Variants in MPP4 observed in about 807,000 individuals in gnomAD.
The protein encoded by MPP4 is MAGUK p55 scaffold protein 4.
In MPP4, 91 loss-of-function variants were observed where a neutral mutation model predicts 98.3. The observed-to-expected ratio is 0.93, with a 90% confidence interval of 0.78 to 1.10. The LOEUF is 1.10. Among genes scored for constraint, MPP4 ranks in the 50% least tolerant of loss-of-function variants. The pLI is 0.00. For missense variants in MPP4, 744 were observed against 792.9 expected, an observed-to-expected ratio of 0.94 and a Z score of 0.74; for synonymous variants, 261 against 271.8, an observed-to-expected ratio of 0.96 and a Z score of 0.39.
At chr2:201,666,614 C>T (rs975367942) in intron 12 of MPP4, 5 of 289,822 alleles carry the variant, frequency 1.7e-5, no homozygotes, top group Non-Finnish European at 2.6e-5. Context: ...ATCCCAGCTA[C>T]GTGGGAGGCT....
intron 18 of MPP4, chr2:201,651,784 T>A (rs1687719661): frequency 2.6e-5 from 11 of 420,224 alleles, no homozygotes; most frequent in Non-Finnish European, 3.5e-5. Context: ...TGAAACCCCA[T>A]CTCTACTAAA....
At chr2:201,694,530 T>C (rs991756360) in intron 1 of MPP4, among the ~76,000 whole-genome samples, 3 of 151,876 alleles carry the variant, frequency 2.0e-5, no homozygotes, top group Admixed American at 6.6e-5. Context: ...TAACGATCTG[T>C]TGTTTTGTTT....
Position 201,686,004 on chromosome 2 carries a change from G to T in MPP4, c.407C>A (p.Pro136His), listed in dbSNP as rs773571971. 2.5e-6 allele frequency: 4 copies of T among 1,612,794 alleles called. No individual in the cohort carries two copies. Among genetic ancestry groups the T allele is most frequent in the Non-Finnish European group, 2.5e-6 (3 of 1,178,938 alleles). Residue 136 changes from proline (P) to histidine (H), a missense_variant, in exon 6 of 22, where the codon CCC becomes CAC. Coordinates refer to ENST00000409474, the MANE Select transcript of MPP4 (RefSeq NM_033066.3). ...HDTIAQKDFE[P>H]LLPPLPDNIP... ...ATTGTCTGGCAGTGGAGGGAGAAGG[G>T]GTTCAAAATCTTTCTGAGCTATCGT...
At chr2:201,664,181 C>A in intron 13 of MPP4, 80 bp from the exon 14 acceptor site, 1 of 1,504,542 alleles carries the variant, frequency 6.6e-7, no homozygotes, top group South Asian at 1.2e-5. Context: ...AAGTCTAATT[C>A]TCTGGCCCCT....
chr2:201,649,746 C>G, intron 19 of MPP4, 62 bp from the exon 20 acceptor site: 1 of 1,138,256 alleles, frequency 8.8e-7, no homozygotes, highest in South Asian at 1.3e-5. Flanking sequence ...TTAGTAGTAA[C>G]ATGAGGATAA....
chr2:201,692,875 C>CA, intron 3 of MPP4, 33 bp downstream of exon 3: 1 of 1,598,322 alleles, frequency 6.3e-7, no homozygotes, highest in Non-Finnish European at 8.5e-7. Flanking sequence ...ACCCCTTCAG[C>CA]AAGCAAAGGC....
chr2:201,674,513 A>G (rs1688445568), intron 11 of MPP4, among the ~76,000 whole-genome samples: 1 of 105,156 alleles, frequency 9.5e-6, no homozygotes, highest in African/African-American at 3.7e-5. Flanking sequence ...GTAGACACAT[A>G]CTGAAATTGC....
In MPP4 at chr2:201,644,992, C is replaced by G; in HGVS notation, c.*218G>C. The stretch of plus-strand genomic sequence containing the variant: ...GACTTAACATTATTCATATTTCTAC[C>G]ACAGCTGCATATGAGGTAAAGGAAA... On this transcript the variant is annotated 3_prime_UTR_variant, in exon 22 of 22. Transcript: ENST00000409474. 2.8e-6 allele frequency: 1 copy of G among 362,736 alleles called. No individual in the cohort carries two copies. Among genetic ancestry groups the G allele is most frequent in the Non-Finnish European group, 4.8e-6 (1 of 206,790 alleles). 22.5% of individuals were successfully genotyped at this position (362,736 alleles called of 1,614,324 possible). A position where few individuals can be genotyped will look rare whatever the true frequency, so the allele number is the denominator to read the frequency against.
intron 21 of MPP4, among the ~76,000 whole-genome samples, chr2:201,645,738 C>T (rs1687543789): frequency 6.6e-6 from 1 of 152,022 alleles, no homozygotes; most frequent in African/African-American, 2.4e-5. Context: ...GCAGCCTCTG[C>T]CTCCCAGGCT....
intron 14 of MPP4, among the ~76,000 whole-genome samples, chr2:201,663,309 T>G (rs754267008): frequency 3.9e-5 from 6 of 152,194 alleles, no homozygotes; most frequent in Non-Finnish European, 5.9e-5. Flanking sequence ...CCGCAATCAA[T>G]GTGACAATAA....
chr2:201,645,896 G>T (rs1017653788), intron 21 of MPP4, among the ~76,000 whole-genome samples: 1 of 152,050 alleles, frequency 6.6e-6, no homozygotes, highest in Non-Finnish European at 1.5e-5. Context: ...AGCAAAGCTG[G>T]GAAAAGTATA....
In MPP4 at chr2:201,677,293, C is replaced by T. The variant is rs762173473; in HGVS notation, c.930-2022G>A. On this transcript the variant is annotated intron_variant, in intron 10 of 21. Transcript: ENST00000409474. ...ATGTTCCCTCTGGGGGAAACTCCAG[C>T]GAATGGGGCCTCTCACTGGAAAGTC... Among the ~76,000 whole-genome samples the T allele has an allele frequency of 9.8e-4, 149 of 152,258 alleles. 2 individuals carry two copies. The highest frequency in any genetic ancestry group is 3.4e-3 in the Middle Eastern group (1 of 294).
chr2:201,697,913 TGCCTGGCAA>T (rs1689239997), intron 1 of MPP4: 2 of 984,562 alleles, frequency 2.0e-6, no homozygotes, highest in African/African-American at 3.5e-5. Flanking sequence ...CCTGGCATGA[TGCCTGGCAA>T]AAGACTTACC....
intron 1 of MPP4, 47 bp from the exon 2 acceptor site, chr2:201,694,101 G>A: frequency 1.3e-6 from 2 of 1,541,842 alleles, no homozygotes; most frequent in Non-Finnish European, 8.8e-7. Flanking sequence ...CAGGCCCTGT[G>A]CTACACACTG....
At chr2:201,668,757 T>C (rs1688254385) in intron 12 of MPP4, among the ~76,000 whole-genome samples, 1 of 152,158 alleles carries the variant, frequency 6.6e-6, no homozygotes, top group African/African-American at 2.4e-5. Flanking sequence ...ACCGTACAGT[T>C]CCCAGCTCCT....
At position 201,645,007 on chromosome 2, in the gene MPP4, G is replaced by T; in HGVS notation, c.*203C>A. ...ATATTTCTACCACAGCTGCATATGAGGTAAAGGAAAAAAAATTAAGTTAAA... is the reference window on the plus strand; with the variant it reads ...ATATTTCTACCACAGCTGCATATGATGTAAAGGAAAAAAAATTAAGTTAAA... On this transcript the variant is annotated 3_prime_UTR_variant, in exon 22 of 22. Transcript: ENST00000409474. 2.7e-6 allele frequency: 1 copy of T among 364,036 alleles called. No homozygotes were observed. Among genetic ancestry groups the T allele is most frequent in the South Asian group, 1.2e-4 (1 of 8,558 alleles). The allele number at this position is 364,036 out of a possible 1,614,324, so 22.6% of individuals were successfully genotyped here.
chr2:201,685,208 CTCAA>C (rs1559017002), intron 6 of MPP4, 63 bp from the exon 7 acceptor site: 7 of 877,758 alleles, frequency 8.0e-6, no homozygotes, highest in Non-Finnish European at 1.1e-5. Flanking sequence ...GGTGGCTTCC[CTCAA>C]TCAATGCAGC....
chr2:201,646,518 C>T (rs1161476284), intron 21 of MPP4, among the ~76,000 whole-genome samples: 1 of 152,120 alleles, frequency 6.6e-6, no homozygotes, highest in Non-Finnish European at 1.5e-5. Flanking sequence ...AGTGACCATA[C>T]ATATGATCCA....
chr2:201,698,494 T>G (rs1689256072), intron 1 of MPP4, 93 bp downstream of exon 1: 1 of 960,044 alleles, frequency 1.0e-6, no homozygotes, highest in Non-Finnish European at 1.4e-6. Flanking sequence ...ATTACCCAGA[T>G]TTATATCTTT....
Sources: allele counts gnomAD v4.1 joint callset (sites outside exome capture counted in the v4.1 genomes callset), GRCh38; gene constraint gnomAD v4.1.1; transcripts MANE v1.5; gene names NCBI Gene and HGNC (gene_info 2026-07-23, HGNC 2026-07-21).